Variants in NUP210 observed in about 807,000 individuals in gnomAD.
The protein encoded by NUP210 is nuclear pore membrane glycoprotein 210.
A neutral mutation model predicts 196.0 loss-of-function variants in NUP210; 151 were observed. The observed-to-expected ratio is 0.77, with a 90% confidence interval of 0.67 to 0.88. NUP210 has a LOEUF of 0.88. Ranked by LOEUF, NUP210 falls within the 40% of genes least tolerant of loss-of-function variation. NUP210 has a pLI of 0.00. For missense variants in NUP210, 2,314 were observed against 2,493.7 expected (o/e 0.93, Z 1.53); for synonymous variants, 1,070 against 1,052.7 (o/e 1.02, Z -0.32).
rs753285761 is a variant in NUP210, at chr3:13,388,298, C to T, written c.684+5G>A. 5 of 1,597,474 alleles carry T rather than the reference C, an allele frequency of 3.1e-6. No individual in the cohort carries two copies. Among genetic ancestry groups the T allele is most frequent in the South Asian group, 1.1e-5 (1 of 88,234 alleles). On this transcript the variant is annotated splice_donor_5th_base_variant and intron_variant, in intron 5 of 39. Coordinates refer to ENST00000254508, the MANE Select transcript of NUP210 (RefSeq NM_024923.4). ...CCCACTGACACCCCAGCGCCCCAGG[C>T]CCACCTTGTAGACAGCCTCCTGGAT...
intron 32 of NUP210, 145 bp from the exon 33 acceptor site, chr3:13,326,076 C>T (rs892241719): frequency 1.9e-5 from 20 of 1,049,278 alleles, no homozygotes; most frequent in South Asian, 4.6e-5. Flanking sequence ...GAGACAGCCA[C>T]GCTGCCTGCC....
chr3:13,404,076 AGT>A lies in NUP210; in HGVS notation c.168-4217_168-4216del, dbSNP rs570845922. On this transcript the variant is annotated intron_variant, in intron 1 of 39. Coordinates refer to ENST00000254508, the MANE Select transcript of NUP210 (RefSeq NM_024923.4). ...AGCTCACGCTGGTTTTCCTGTGACC[AGT>A]GTGAGTGTTCCTTTCAGTTATCTGA... Among the ~76,000 whole-genome samples, 19 of 152,360 alleles carry A rather than the reference AGT, an allele frequency of 1.2e-4. 1 individual carries two copies. In the East Asian group the frequency reaches 3.7e-3, roughly 29 times the overall value.
At position 13,371,863 on chromosome 3, in the gene NUP210, T is replaced by C; in HGVS notation, c.1757A>G (p.Glu586Gly). The C allele has an allele frequency of 6.2e-7, 1 of 1,609,516 alleles. No individual in the cohort carries two copies. The highest frequency in any genetic ancestry group is 8.5e-7 in the Non-Finnish European group (1 of 1,178,596). ...CSHFDLAVEV[E>G]NQGVFQPLPG... ...GAGTGGCTGGAACACACCCTGGTTC[T>C]CCACCTCGACAGCCAAGTCAAAGTG... Residue 586 changes from glutamate to glycine, a missense_variant, in exon 13 of 40, where the codon GAG becomes GGG. Physicochemically the swap from Glu to Gly is moderately conservative, Grantham distance 98. Transcript: ENST00000254508.
rs1477908520 is a variant in NUP210, at chr3:13,376,674, T to C, written c.1153-243A>G. ...CATGGCCTGATGACCTGCGCTTCGATTTCATCCCCCCGTGTGGCACCTGGG... is the reference window on the plus strand; with the variant it reads ...CATGGCCTGATGACCTGCGCTTCGACTTCATCCCCCCGTGTGGCACCTGGG... On this transcript the variant is annotated intron_variant, in intron 9 of 39. Coordinates refer to ENST00000254508, the MANE Select transcript of NUP210 (RefSeq NM_024923.4). Among the ~76,000 whole-genome samples, 2 of 152,090 alleles carry C rather than the reference T, an allele frequency of 1.3e-5. 1 individual carries two copies. The highest frequency in any genetic ancestry group is 4.8e-5 in the African/African-American group (2 of 41,504).
chr3:13,335,248 C>T (rs1427917119), intron 28 of NUP210, among the ~76,000 whole-genome samples: 2 of 152,218 alleles, frequency 1.3e-5, no homozygotes, highest in Non-Finnish European at 2.9e-5. Context: ...CTCTGTGAAG[C>T]CTTTGCTTGG....
At position 13,358,353 on chromosome 3, in the gene NUP210, G is replaced by T. The variant is rs201136314; in HGVS notation, c.2197C>A (p.Pro733Thr). 8.8e-5 allele frequency: 142 copies of T among 1,613,792 alleles called. No individual in the cohort carries two copies. In the East Asian group the frequency reaches 2.9e-3, roughly 32 times the overall value. ...SVGNKPSLTN[P>T]FPAVEPAVVK... ...ACGGCAGGCTCCACCGCAGGAAAGG[G>T]GTTGGTGAGGCTGGGCTTGTTCCCC... Residue 733 changes from proline to threonine, a missense_variant, in exon 16 of 40, where the codon CCC (proline) becomes ACC (threonine). By Grantham distance (38) the Pro-to-Thr change is conservative. Coordinates refer to ENST00000254508, the MANE Select transcript of NUP210 (RefSeq NM_024923.4).
rs965862820 is a variant in NUP210 at position 13,354,943 on chromosome 3, A to C, written c.2329-836T>G. The stretch of plus-strand genomic sequence containing the variant: ...GAATCAAGCCTCTTTCCTGTGGGCT[A>C]TCCCTCCCTTCTCTGGCCACATAGC... On this transcript the variant is annotated intron_variant, in intron 16 of 39. Coordinates refer to ENST00000254508, the MANE Select transcript of NUP210 (RefSeq NM_024923.4). Among the ~76,000 whole-genome samples, 3 of 152,182 alleles carry C rather than the reference A, an allele frequency of 2.0e-5. No homozygotes were observed. The East Asian group carries it at 5.8e-4, about 29-fold the overall frequency.
intron 20 of NUP210, 33 bp from the exon 21 acceptor site, chr3:13,343,336 T>TGGGGGGGGGGGGGGGGGGGGGGGGGGG (rs1559318325): frequency 1.5e-5 from 4 of 260,400 alleles, no homozygotes; most frequent in East Asian, 1.9e-4. Flanking sequence ...GAGGGGTGGG[T>TGGGGGGGGGGGGGGGGGGGGGGGGGGG]GGTGGGTTAC....
chr3:13,333,217 T>C (rs549878339), intron 28 of NUP210, among the ~76,000 whole-genome samples: 1 of 152,194 alleles, frequency 6.6e-6, no homozygotes, highest in African/African-American at 2.4e-5. Context: ...GCAACAGCAC[T>C]TACCTGGGAA....
At position 13,347,256 on chromosome 3, in the gene NUP210, T is replaced by G. The variant is rs1237410633; in HGVS notation, c.2836-3953A>C. 1.0e-6 allele frequency: 1 copy of G among 985,092 alleles called. No homozygotes were observed. The highest frequency in any genetic ancestry group is 1.2e-6 in the Non-Finnish European group (1 of 829,754). The allele number at this position is 985,092 out of a possible 1,614,324, so 61.0% of individuals were successfully genotyped here. On this transcript the variant is annotated intron_variant, in intron 20 of 39. Transcript: ENST00000254508. This position sits in a 1 kb window ranked among gnomAD's most constrained non-coding sequence, Gnocchi z 4.7. ...AATCCGCAGTGCTTAACACAGCACC[T>G]GGCACACGATAAGCACTCCAGCGTC...
At chr3:13,337,985 C>A in intron 25 of NUP210, 68 bp from the exon 26 acceptor site, 1 of 1,443,262 alleles carries the variant, frequency 6.9e-7, no homozygotes, top group South Asian at 1.2e-5. Context: ...AGGAAGGGAC[C>A]CCTCAAGGGA....
chr3:13,363,146 C>T (rs1330760182), intron 14 of NUP210, among the ~76,000 whole-genome samples: 1 of 152,234 alleles, frequency 6.6e-6, no homozygotes, highest in Non-Finnish European at 1.5e-5. Flanking sequence ...GAATATGTGA[C>T]TAGCACACGC....
rs1475706710 is a variant in NUP210 at position 13,376,363 on chromosome 3, T to C, written c.1221A>G (p.Ser407=). Residue 407 remains serine (S), a synonymous_variant, in exon 10 of 40, where the codon TCA becomes TCG. Coordinates refer to ENST00000254508, the MANE Select transcript of NUP210 (RefSeq NM_024923.4). ...FEVLSSSQNG[S]YHRIRALKRG... The stretch of plus-strand genomic sequence containing the variant: ...TCTTTAGTGCCCTGATGCGATGGTA[T>C]GACCCATTCTGGGAGGACGAGAGCA... The C allele has an allele frequency of 6.2e-7, 1 of 1,614,238 alleles. No homozygotes were observed. Among genetic ancestry groups the C allele is most frequent in the Admixed American group, 1.7e-5 (1 of 60,034 alleles).
rs144991206 is a variant in NUP210, at chr3:13,356,001, G to A, written c.2329-1894C>T. The stretch of plus-strand genomic sequence containing the variant: ...CCAAGGTCACACAGGTTTAGGGGTG[G>A]AACTCAGCTGGCCTGATTGTAGAGC... On this transcript the variant is annotated intron_variant, in intron 16 of 39. Coordinates refer to ENST00000254508, the MANE Select transcript of NUP210 (RefSeq NM_024923.4). Among the ~76,000 whole-genome samples, 6 of 152,308 alleles carry A rather than the reference G, an allele frequency of 3.9e-5. No individual in the cohort carries two copies. The East Asian group carries it at 1.2e-3, about 29-fold the overall frequency.
chr3:13,337,106 C>T, intron 26 of NUP210, 188 bp from the exon 27 acceptor site: 1 of 561,032 alleles, frequency 1.8e-6, no homozygotes, highest in Non-Finnish European at 3.1e-6. Flanking sequence ...GACTGTTTTC[C>T]CCATACTGTC....
intron 26 of NUP210, among the ~76,000 whole-genome samples, chr3:13,337,476 T>C (rs1697262488): frequency 6.6e-6 from 1 of 152,250 alleles, no homozygotes; most frequent in African/African-American, 2.4e-5. Flanking sequence ...TGTGTTCATT[T>C]GCTCATCTGC....
chr3:13,409,678 T>G (rs1700102150), intron 1 of NUP210, among the ~76,000 whole-genome samples: 1 of 152,024 alleles, frequency 6.6e-6, no homozygotes, highest in South Asian at 2.1e-4. Flanking sequence ...TCAGAACCCC[T>G]GGTCTGGACA....
intron 32 of NUP210, among the ~76,000 whole-genome samples, chr3:13,326,553 G>A (rs1321382389): frequency 2.6e-5 from 4 of 152,244 alleles, no homozygotes; most frequent in African/African-American, 9.6e-5. Context: ...AAAAAAGGTG[G>A]AGACAATTTG....
intron 29 of NUP210, among the ~76,000 whole-genome samples, chr3:13,330,880 A>G (rs1696971191): frequency 6.6e-6 from 1 of 152,212 alleles, no homozygotes; most frequent in South Asian, 2.1e-4. Context: ...CTCTTCCCAG[A>G]GCAGTGCCTG....
Sources: allele counts gnomAD v4.1 joint callset (sites outside exome capture counted in the v4.1 genomes callset), GRCh38; gene constraint gnomAD v4.1.1; non-coding constraint Gnocchi (gnomAD v3.1); transcripts MANE v1.5; gene names NCBI Gene and HGNC (gene_info 2026-07-23, HGNC 2026-07-21).